GTF2H5: variants seen among roughly 807,000 people sequenced by gnomAD.
GTF2H5 encodes general transcription factor IIH subunit 5.
In GTF2H5, 5 loss-of-function variants were observed where a neutral mutation model predicts 7.1. The ratio of observed to expected loss-of-function variants is 0.71; its 90% CI spans 0.37 to 1.49. The LOEUF is 1.49. Ranked by LOEUF, GTF2H5 falls within the 40% of genes most tolerant of loss-of-function variation. The pLI is 0.03. For synonymous variants in GTF2H5, 30 were observed against 31.7 expected, an observed-to-expected ratio of 0.95 and a Z score of 0.18; for missense variants, 80 against 83.0, an observed-to-expected ratio of 0.96 and a Z score of 0.14.
chr6:158,168,674 C>T (rs1330622532), intron 1 of GTF2H5, among the ~76,000 whole-genome samples: 1 of 152,240 alleles, frequency 6.6e-6, no homozygotes, highest in Non-Finnish European at 1.5e-5. Context: ...GGTTTGTTTC[C>T]AGCCTAGGTC....
intron 2 of GTF2H5, 129 bp downstream of exon 2, chr6:158,170,667 G>A: frequency 1.4e-6 from 1 of 736,770 alleles, no homozygotes; most frequent in East Asian, 2.7e-5. Context: ...TTAACAAGTG[G>A]CACAGATTTT....
At chr6:158,174,769 A>G (rs1018361547) in intron 2 of GTF2H5, among the ~76,000 whole-genome samples, 5 of 152,180 alleles carry the variant, frequency 3.3e-5, no homozygotes, top group Non-Finnish European at 5.9e-5. Context: ...GCAAATTCCA[A>G]CCAGTTTACA....
Position 158,192,903 on chromosome 6 carries a change from C to A in GTF2H5, c.*746C>A. The A allele has an allele frequency of 1.5e-5, 1 of 64,712 alleles. No individual in the cohort carries two copies. Among genetic ancestry groups the A allele is most frequent in the Non-Finnish European group, 2.6e-5 (1 of 38,590 alleles). The allele number at this position is 64,712 out of a possible 1,614,324, so 4.0% of individuals were successfully genotyped here. A position where few individuals can be genotyped will look rare whatever the true frequency, so the allele number is the denominator to read the frequency against. ...GGCCTGGACAACAGAGAGACCCTGC[C>A]TCAAAAAAAAAAAAAAAAAAAAAAA... On this transcript the variant is annotated 3_prime_UTR_variant, in exon 3 of 3. Transcript: ENST00000607778.
At chr6:158,174,677 C>T (rs557101858) in intron 2 of GTF2H5, among the ~76,000 whole-genome samples, 1 of 152,274 alleles carries the variant, frequency 6.6e-6, no homozygotes, top group East Asian at 1.9e-4. Flanking sequence ...GTGTCCAGTT[C>T]CAGATGCTGG....
At chr6:158,169,838 TACAC>T (rs34582974) in intron 1 of GTF2H5, among the ~76,000 whole-genome samples, 1 of 116,218 alleles carries the variant, frequency 8.6e-6, no homozygotes, top group East Asian at 2.5e-4. Flanking sequence ...TGTATATATA[TACAC>T]ACACACACAC....
intron 2 of GTF2H5, among the ~76,000 whole-genome samples, chr6:158,179,955 T>C (rs577728382): frequency 6.6e-6 from 1 of 152,306 alleles, no homozygotes; most frequent in South Asian, 2.1e-4. Context: ...GCCCATACAG[T>C]ATGATATTGG....
At chr6:158,175,840 T>A (rs566424612) in intron 2 of GTF2H5, among the ~76,000 whole-genome samples, 89 of 152,162 alleles carry the variant, frequency 5.8e-4, no homozygotes, top group African/African-American at 2.1e-3. Flanking sequence ...GAAAAAGAAA[T>A]TTGTTGATTG....
intron 1 of GTF2H5, among the ~76,000 whole-genome samples, chr6:158,169,794 A>ATATATTGTATATTATATATTG (rs1785819870): frequency 1.1e-5 from 1 of 93,168 alleles, no homozygotes; most frequent in African/African-American, 4.7e-5. Context: ...ATTATATATT[A>ATATATTGTATATTATATATTG]TATATTGTAT....
intron 2 of GTF2H5, among the ~76,000 whole-genome samples, chr6:158,175,030 G>GTGTGTGTGTATATATA: frequency 6.9e-6 from 1 of 144,908 alleles, no homozygotes; most frequent in African/African-American, 2.6e-5. Flanking sequence ...GTGTGTGTGT[G>GTGTGTGTGTATATATA]TGTGTGTGTG....
At chr6:158,175,044 G>GTGTGTGTA in intron 2 of GTF2H5, among the ~76,000 whole-genome samples, 101 of 142,850 alleles carry the variant, frequency 7.1e-4, no homozygotes, top group South Asian at 5.1e-3. Flanking sequence ...GTGTGTGTGT[G>GTGTGTGTA]TATACACACA....
At chr6:158,181,701 C>CA (rs770617630) in intron 2 of GTF2H5, among the ~76,000 whole-genome samples, 3 of 145,306 alleles carry the variant, frequency 2.1e-5, no homozygotes, top group Non-Finnish European at 3.0e-5. Context: ...GCAACCTCTG[C>CA]TTTTTTTTTT....
At chr6:158,176,430 T>C (rs1471253677) in intron 2 of GTF2H5, among the ~76,000 whole-genome samples, 2 of 152,168 alleles carry the variant, frequency 1.3e-5, no homozygotes, top group East Asian at 3.9e-4. Flanking sequence ...TTTCACTATC[T>C]TGGCCAGGCT....
At chr6:158,183,288 T>A (rs1395254910) in intron 2 of GTF2H5, among the ~76,000 whole-genome samples, 2 of 152,208 alleles carry the variant, frequency 1.3e-5, no homozygotes, top group African/African-American at 2.4e-5. Flanking sequence ...GTATGAGGTG[T>A]CTGTCAGCCC....
Position 158,176,735 on chromosome 6 carries a change from G to A in GTF2H5, c.35+6197G>A, listed in dbSNP as rs1301663588. 3.9e-5 allele frequency among the ~76,000 whole-genome samples: 6 copies of A among 152,126 alleles called. No individual in the cohort carries two copies. In the East Asian group the frequency reaches 5.8e-4, roughly 15 times the overall value. On this transcript the variant is annotated intron_variant, in intron 2 of 2. Transcript: ENST00000607778. ...CAGGGGTCTCACAGCCTTCAGAGCC[G>A]AGAGCCCCGAACAGAGATTTACCCA...
Position 158,192,309 on chromosome 6 carries a change from A to G in GTF2H5, c.*152A>G, listed in dbSNP as rs1777041685. On this transcript the variant is annotated 3_prime_UTR_variant, in exon 3 of 3. Transcript: ENST00000607778. The stretch of plus-strand genomic sequence containing the variant: ...GATCATGATCATTTGTTCAGAAAAA[A>G]AGCCCCTGAACTGATTTTGTTACCA... 1.5e-6 allele frequency: 1 copy of G among 651,916 alleles called. No individual in the cohort carries two copies. The highest frequency in any genetic ancestry group is 2.7e-6 in the Non-Finnish European group (1 of 368,276). 40.4% of individuals were successfully genotyped at this position (651,916 alleles called of 1,614,324 possible). A position where few individuals can be genotyped will look rare whatever the true frequency, so the allele number is the denominator to read the frequency against.
Position 158,192,198 on chromosome 6 carries a change from C to G in GTF2H5, c.*41C>G, listed in dbSNP as rs762291244. 8 of 1,471,398 alleles carry G rather than the reference C, an allele frequency of 5.4e-6. No homozygotes were observed. Among genetic ancestry groups the G allele is most frequent in the Non-Finnish European group, 7.6e-6 (8 of 1,052,842 alleles). The allele number at this position is 1,471,398 out of a possible 1,614,324, so 91.1% of individuals were successfully genotyped here. A position where few individuals can be genotyped will look rare whatever the true frequency, so the allele number is the denominator to read the frequency against. ...ACCATTTAGGAATTATAAGCAGCAACTGTGAAAGACTTGCCACTCAATATC... is the reference window on the plus strand; with the variant it reads ...ACCATTTAGGAATTATAAGCAGCAAGTGTGAAAGACTTGCCACTCAATATC... On this transcript the variant is annotated 3_prime_UTR_variant, in exon 3 of 3. Coordinates refer to ENST00000607778, the MANE Select transcript of GTF2H5 (RefSeq NM_207118.3).
intron 2 of GTF2H5, among the ~76,000 whole-genome samples, chr6:158,191,362 C>A (rs1777022922): frequency 6.6e-6 from 1 of 152,186 alleles, no homozygotes; most frequent in Non-Finnish European, 1.5e-5. Flanking sequence ...GTTAAGAAAG[C>A]TGTGATTCTA....
chr6:158,178,811 T>G (rs1785968364), intron 2 of GTF2H5, among the ~76,000 whole-genome samples: 1 of 152,242 alleles, frequency 6.6e-6, no homozygotes, highest in African/African-American at 2.4e-5. Flanking sequence ...CTGTTCACTC[T>G]GATGATAGTT....
At position 158,191,966 on chromosome 6, in the gene GTF2H5, T is replaced by C. The variant is rs1192643961; in HGVS notation, c.36-11T>C. The C allele has an allele frequency of 1.2e-6, 2 of 1,610,674 alleles. No individual in the cohort carries two copies. The highest frequency in any genetic ancestry group is 2.2e-5 in the South Asian group (2 of 91,006). On this transcript the variant is annotated splice_polypyrimidine_tract_variant and intron_variant, in intron 2 of 2. Transcript: ENST00000607778. Reference sequence around the variant, plus strand: ...ACAAGCTGTCTTACAATCATGTGTTTGTCTTTACAGTGATCCTGCCATGAA... The same window carrying C: ...ACAAGCTGTCTTACAATCATGTGTTCGTCTTTACAGTGATCCTGCCATGAA...
Sources: allele counts gnomAD v4.1 joint callset (sites outside exome capture counted in the v4.1 genomes callset), GRCh38; gene constraint gnomAD v4.1.1; transcripts MANE v1.5; gene names NCBI Gene and HGNC (gene_info 2026-07-23, HGNC 2026-07-21).